The following MYO9A variants were observed in gnomAD, a reference collection of about 807,000 sequenced individuals.
MYO9A encodes the protein myosin IXA.
In MYO9A, 103 loss-of-function variants were observed where a neutral mutation model predicts 293.3. The observed-to-expected ratio is 0.35, with a 90% CI of 0.30 to 0.41. The LOEUF (loss-of-function observed/expected upper bound fraction) is 0.41. MYO9A is among the 10% of genes least tolerant of loss of function. MYO9A has a pLI of 1.00. For synonymous variants in MYO9A, 1,001 were observed against 1,035.7 expected (o/e 0.97, Z 0.64); for missense variants, 2,685 against 3,033.0 (o/e 0.89, Z 2.69).
chr15:72,067,059 T>C (rs927067782), intron 1 of MYO9A, among the ~76,000 whole-genome samples: 1 of 147,006 alleles, frequency 6.8e-6, no homozygotes, highest in Non-Finnish European at 1.5e-5. Flanking sequence ...ATATAATATA[T>C]AGGTAATCAT....
At chr15:71,886,394 C>A (rs2057021605) in intron 27 of MYO9A, among the ~76,000 whole-genome samples, 1 of 151,888 alleles carries the variant, frequency 6.6e-6, no homozygotes, top group Non-Finnish European at 1.5e-5. Flanking sequence ...TGCTTAGAAC[C>A]ATTTGCTTAG....
chr15:72,053,152 C>A (rs1309825235), intron 1 of MYO9A, among the ~76,000 whole-genome samples: 1 of 152,140 alleles, frequency 6.6e-6, no homozygotes, highest in Admixed American at 6.5e-5. Flanking sequence ...ATAATCCCAG[C>A]ACTTTGGGAG....
Position 71,883,694 on chromosome 15 carries a change from T to C in MYO9A, c.5298A>G (p.Gln1766=), listed in dbSNP as rs781765543. ...TCACTCTGGTAGTCTTCTTCTCCCC[T>C]TGTTTCCCTTTGGCCCAGAATCTCA... is the stretch of plus-strand genomic sequence containing the variant. ...AKMRFWAKGK[Q]GEKKTTRVKP... is the part of the protein sequence containing the mutation. The change falls in exon 28 of 42, where the codon CAA becomes CAG. Residue 1766 remains glutamine (Q), a synonymous_variant. Transcript: ENST00000356056. The C allele has an allele frequency of 1.9e-6, 3 of 1,613,330 alleles. No homozygotes were observed. Among genetic ancestry groups the C allele is most frequent in the Non-Finnish European group, 2.5e-6 (3 of 1,179,624 alleles).
At chr15:71,997,209 CTTCAGAT>C (rs1317724543) in intron 9 of MYO9A, among the ~76,000 whole-genome samples, 1 of 152,054 alleles carries the variant, frequency 6.6e-6, no homozygotes, top group Non-Finnish European at 1.5e-5. Flanking sequence ...TTGCATTACC[CTTCAGAT>C]AAAATACTAA....
At chr15:72,028,218 A>ATATATAT (rs1555408278) in intron 3 of MYO9A, among the ~76,000 whole-genome samples, 3,113 of 133,998 alleles carry the variant, frequency 0.023, 45 homozygotes, top group Middle Eastern at 0.046. Context: ...TAAATAAATA[A>ATATATAT]ATATATATAT....
rs902322100 is a variant in MYO9A at position 71,825,991 on chromosome 15, T to A, written c.*589A>T. The A allele has an allele frequency of 8.5e-6, 1 of 117,674 alleles. No individual in the cohort carries two copies. The highest frequency in any genetic ancestry group is 4.4e-5 in the African/African-American group (1 of 22,900). The allele number at this position is 117,674 out of a possible 1,614,324, so 7.3% of individuals were successfully genotyped here. On this transcript the variant is annotated 3_prime_UTR_variant, in exon 42 of 42. Transcript: ENST00000356056. ...CTTAATGGAAACAATCACGGTTTTTTTTTGTTTTTTTTTTTTTGTTTTTTT... is the reference window on the plus strand; with the variant it reads ...CTTAATGGAAACAATCACGGTTTTTATTTGTTTTTTTTTTTTTGTTTTTTT...
At chr15:71,966,244 C>A (rs938452221) in intron 13 of MYO9A, among the ~76,000 whole-genome samples, 1 of 142,154 alleles carries the variant, frequency 7.0e-6, no homozygotes, top group Non-Finnish European at 1.5e-5. Flanking sequence ...TATCTGATAA[C>A]GCAGATGAAT....
At chr15:71,846,899 GCT>G (rs1312837800) in intron 39 of MYO9A, among the ~76,000 whole-genome samples, 1 of 152,132 alleles carries the variant, frequency 6.6e-6, no homozygotes, top group African/African-American at 2.4e-5. Context: ...CCTATTTGTA[GCT>G]CTGTCTGATA....
intron 1 of MYO9A, among the ~76,000 whole-genome samples, chr15:72,076,528 C>G: frequency 6.6e-6 from 1 of 152,038 alleles, no homozygotes; most frequent in Non-Finnish European, 1.5e-5. Flanking sequence ...AAACACTTAG[C>G]AATAAAATTA....
At position 71,850,133 on chromosome 15, in the gene MYO9A, C is replaced by G. The variant is rs745497574; in HGVS notation, c.6616G>C (p.Ala2206Pro). 6.2e-7 allele frequency: 1 copy of G among 1,614,066 alleles called. No homozygotes were observed. Among genetic ancestry groups the G allele is most frequent in the South Asian group, 1.1e-5 (1 of 91,086 alleles). The change falls in exon 38 of 42, where the codon GCT becomes CCT. Residue 2206 changes from alanine (A) to proline (P), a missense_variant. Ala to Pro is a conservative substitution (Grantham distance 27). This residue lies in a region of MYO9A where 238 missense variants were observed against 269.1 expected (regional missense o/e 0.88). Coordinates refer to ENST00000356056, the MANE Select transcript of MYO9A (RefSeq NM_006901.4). ...ALQEDTNRMSANALAIVFAPC... is the reference protein window; with the variant it reads ...ALQEDTNRMSPNALAIVFAPC... Reference sequence around the variant, plus strand: ...GCAAACACAATGGCCAAAGCATTAGCAGACATTCGATTAGTGTCTTCCTGC... The same window carrying G: ...GCAAACACAATGGCCAAAGCATTAGGAGACATTCGATTAGTGTCTTCCTGC...
rs1259640641 is a variant in MYO9A, at chr15:71,826,488, A to T, written c.*92T>A. On this transcript the variant is annotated 3_prime_UTR_variant, in exon 42 of 42. Coordinates refer to ENST00000356056, the MANE Select transcript of MYO9A (RefSeq NM_006901.4). ...GAAAAGAGGCAGGACCACAATTAGG[A>T]TTGACTATTGTGGACGAGGTGATGA... The T allele has an allele frequency of 8.0e-7, 1 of 1,245,216 alleles. No individual in the cohort carries two copies. The highest frequency in any genetic ancestry group is 2.3e-5 in the East Asian group (1 of 42,924). The allele number at this position is 1,245,216 out of a possible 1,614,324, so 77.1% of individuals were successfully genotyped here. A position where few individuals can be genotyped will look rare whatever the true frequency, so the allele number is the denominator to read the frequency against.
chr15:72,019,888 T>C (rs1000589338), intron 5 of MYO9A, among the ~76,000 whole-genome samples: 4 of 152,182 alleles, frequency 2.6e-5, no homozygotes, highest in Non-Finnish European at 4.4e-5. Context: ...CAGCTGAGAT[T>C]ACAGGCGTGC....
intron 1 of MYO9A, among the ~76,000 whole-genome samples, chr15:72,101,937 A>G (rs1384283163): frequency 4.0e-5 from 6 of 151,710 alleles, no homozygotes; most frequent in Non-Finnish European, 8.8e-5. Context: ...GGCCGCCCCT[A>G]CTGGGAAGTG....
At position 71,886,122 on chromosome 15, in the gene MYO9A, G is replaced by T. The variant is rs555019726; in HGVS notation, c.5255+1882C>A. 2.0e-5 allele frequency among the ~76,000 whole-genome samples: 3 copies of T among 148,088 alleles called. No homozygotes were observed. In the East Asian group the frequency reaches 6.0e-4, roughly 29 times the overall value. On this transcript the variant is annotated intron_variant, in intron 27 of 41. Transcript: ENST00000356056. ...AAGTTGTATTTTATCTGTTAATTTTGGTTTCTTCAATATAAGGTATTTCCT... is the reference window on the plus strand; with the variant it reads ...AAGTTGTATTTTATCTGTTAATTTTTGTTTCTTCAATATAAGGTATTTCCT...
chr15:72,044,544 C>T (rs2078325582), intron 2 of MYO9A, among the ~76,000 whole-genome samples: 1 of 152,166 alleles, frequency 6.6e-6, no homozygotes, highest in Admixed American at 6.5e-5. Context: ...CTCTCCAATC[C>T]TCACAGCCTT....
intron 12 of MYO9A, among the ~76,000 whole-genome samples, chr15:71,971,633 C>T (rs1324156696): frequency 2.0e-5 from 3 of 151,110 alleles, no homozygotes; most frequent in Admixed American, 2.0e-4. Context: ...ATTCTACTAC[C>T]TCAGTTGCTG....
intron 27 of MYO9A, among the ~76,000 whole-genome samples, chr15:71,884,794 C>T (rs936033027): frequency 9.2e-5 from 14 of 152,088 alleles, no homozygotes; most frequent in African/African-American, 3.1e-4. Context: ...TACTAGGTGA[C>T]AGGTACTATG....
chr15:72,013,278 A>G (rs532950301), intron 6 of MYO9A, among the ~76,000 whole-genome samples: 2 of 152,298 alleles, frequency 1.3e-5, no homozygotes, highest in Admixed American at 6.5e-5. Context: ...TTTATATACC[A>G]TCTCATCTCT....
chr15:72,103,665 CAGCAGCAGA>C (rs1463771164), intron 1 of MYO9A, among the ~76,000 whole-genome samples: 1 of 151,918 alleles, frequency 6.6e-6, no homozygotes, highest in Non-Finnish European at 1.5e-5. Context: ...ACAGAAGAAG[CAGCAGCAGA>C]AGCAGAAGAA....
Sources: allele counts gnomAD v4.1 joint callset (sites outside exome capture counted in the v4.1 genomes callset), GRCh38; gene constraint gnomAD v4.1.1; regional missense constraint gnomAD v4.1.1; transcripts MANE v1.5; gene names NCBI Gene and HGNC (gene_info 2026-07-23, HGNC 2026-07-21).